Variants in RNF38 observed in about 807,000 individuals in gnomAD.
The protein encoded by RNF38 is E3 ubiquitin-protein ligase RNF38.
In RNF38, 15 loss-of-function variants were observed where a neutral mutation model predicts 67.2. The observed-to-expected ratio is 0.22, with a 90% CI of 0.15 to 0.34. The LOEUF is 0.34. Among genes scored for constraint, RNF38 ranks in the 10% least tolerant of loss-of-function variants. RNF38 has a pLI of 1.00. For missense variants in RNF38, 524 were observed against 639.9 expected, an observed-to-expected ratio of 0.82 and a Z score of 1.95; for synonymous variants, 220 against 218.8, an observed-to-expected ratio of 1.01 and a Z score of -0.05.
chr9:36,467,905 G>A (rs1362551460), intron 1 of RNF38, among the ~76,000 whole-genome samples: 1 of 152,190 alleles, frequency 6.6e-6, no homozygotes, highest in Non-Finnish European at 1.5e-5. Context: ...GGGGAATAGA[G>A]GCTACAGAAA....
chr9:36,462,775 A>C (rs966934591), intron 1 of RNF38, among the ~76,000 whole-genome samples: 8 of 151,818 alleles, frequency 5.3e-5, no homozygotes, highest in African/African-American at 1.7e-4. Context: ...CCCAGGTTTA[A>C]GTGATTGTCG....
chr9:36,420,105 C>G lies in RNF38; in HGVS notation n.312+4508G>C, dbSNP rs536659375. Among the ~76,000 whole-genome samples the G allele has an allele frequency of 2.0e-5, 3 of 152,316 alleles. No individual in the cohort carries two copies. In the East Asian group the frequency reaches 5.8e-4, roughly 29 times the overall value. ...CAGCAGAGTACAGACTTGAGCAAGGCAGCTTGGGATGGAATCCCAGTGTAC... is the reference window on the plus strand; with the variant it reads ...CAGCAGAGTACAGACTTGAGCAAGGGAGCTTGGGATGGAATCCCAGTGTAC... On this transcript the variant is annotated intron_variant and non_coding_transcript_variant, in intron 2 of 3. Transcript: ENST00000488058.
intron 4 of RNF38, among the ~76,000 whole-genome samples, chr9:36,364,929 C>T (rs1164679868): frequency 1.3e-5 from 2 of 152,174 alleles, no homozygotes; most frequent in African/African-American, 4.8e-5. Context: ...ACCAGGGTGT[C>T]AGTGGGCCAA....
chr9:36,343,390 A>C lies in RNF38; in HGVS notation c.1386-966T>G, dbSNP rs1046492589. ...TCTGGTGAGATCTATAATATGTATA[A>C]AACCTCTACAACTCAATAATACAAA... is the stretch of plus-strand genomic sequence containing the variant. On this transcript the variant is annotated intron_variant, in intron 10 of 11. Coordinates refer to ENST00000259605, the MANE Select transcript of RNF38 (RefSeq NM_022781.5). 2.6e-5 allele frequency among the ~76,000 whole-genome samples: 4 copies of C among 152,194 alleles called. No homozygotes were observed. In the East Asian group the frequency reaches 7.7e-4, roughly 29 times the overall value.
chr9:36,352,996 G>T, intron 7 of RNF38, 148 bp from the exon 8 acceptor site: 1 of 806,578 alleles, frequency 1.2e-6, no homozygotes, highest in Non-Finnish European at 2.0e-6. Context: ...CTTATTAATG[G>T]ATGCAGCAAC....
intron 11 of RNF38, among the ~76,000 whole-genome samples, chr9:36,341,799 T>G (rs1041580977): frequency 4.2e-5 from 2 of 47,872 alleles, no homozygotes; most frequent in Admixed American, 1.9e-4. Context: ...TCAAAATATA[T>G]ATATATATAT....
chr9:36,414,338 C>T (rs1179855707), intron 2 of RNF38, among the ~76,000 whole-genome samples: 1 of 151,956 alleles, frequency 6.6e-6, no homozygotes, highest in Non-Finnish European at 1.5e-5. Flanking sequence ...TTTTATAGGC[C>T]CCGTGAGATT....
intron 1 of RNF38, among the ~76,000 whole-genome samples, 169 bp downstream of exon 1, chr9:36,399,928 T>G (rs1359358554): frequency 6.6e-6 from 1 of 152,164 alleles, no homozygotes; most frequent in Non-Finnish European, 1.5e-5. Flanking sequence ...TTGTATACAT[T>G]TAAGTTTTCA....
At chr9:36,444,919 CTTTT>C (rs34369319) in intron 1 of RNF38, among the ~76,000 whole-genome samples, 1 of 133,444 alleles carries the variant, frequency 7.5e-6, no homozygotes. Context: ...GAGCCATTCT[CTTTT>C]TTTTTTTTTT....
At chr9:36,369,549 T>C (rs1234188415) in intron 4 of RNF38, among the ~76,000 whole-genome samples, 170 bp downstream of exon 4, 1 of 152,124 alleles carries the variant, frequency 6.6e-6, no homozygotes, top group Non-Finnish European at 1.5e-5. Context: ...CTTTCTTCTA[T>C]GGAAGCTGTG....
At chr9:36,357,201 A>T (rs901790214) in intron 5 of RNF38, among the ~76,000 whole-genome samples, 1 of 152,224 alleles carries the variant, frequency 6.6e-6, no homozygotes, top group Non-Finnish European at 1.5e-5. Flanking sequence ...GAGGCAAGAA[A>T]AAAAAAGTTA....
upstream of RNF38, among the ~76,000 whole-genome samples, chr9:36,402,925 T>TCACTG (rs1838090322): frequency 6.6e-6 from 1 of 152,140 alleles, no homozygotes. Context: ...GGATCACATC[T>TCACTG]CACTGCAGTC....
intron 1 of RNF38, among the ~76,000 whole-genome samples, chr9:36,464,694 A>G (rs1371135779): frequency 1.3e-5 from 2 of 152,230 alleles, no homozygotes; most frequent in African/African-American, 4.8e-5. Context: ...AAATTAATAT[A>G]CATACACTGT....
intron 2 of RNF38, among the ~76,000 whole-genome samples, 190 bp from the exon 3 acceptor site, chr9:36,376,317 A>G (rs1835782671): frequency 6.6e-6 from 1 of 152,224 alleles, no homozygotes; most frequent in Non-Finnish European, 1.5e-5. Flanking sequence ...GGGGAGGGAG[A>G]TGCACAGTAA....
chr9:36,393,056 A>C (rs796178625), intron 1 of RNF38, among the ~76,000 whole-genome samples: 3 of 152,306 alleles, frequency 2.0e-5, no homozygotes, highest in African/African-American at 7.2e-5. Context: ...GCATCCTCTT[A>C]AGCTTTTCAT....
At chr9:36,401,098 C>G, upstream of RNF38, 5 of 985,170 alleles carry the variant, frequency 5.1e-6, no homozygotes, top group Non-Finnish European at 6.0e-6. Flanking sequence ...CAGCACAAAC[C>G]TAGCGAGCCC....
intron 1 of RNF38, among the ~76,000 whole-genome samples, chr9:36,396,882 A>G (rs1723514454): frequency 6.6e-6 from 1 of 152,058 alleles, no homozygotes; most frequent in Admixed American, 6.5e-5. Context: ...GAGATCCAAG[A>G]CAAAATTTCT....
chr9:36,466,775 A>G (rs1193835608), intron 1 of RNF38, among the ~76,000 whole-genome samples: 1 of 152,138 alleles, frequency 6.6e-6, no homozygotes, highest in Non-Finnish European at 1.5e-5. Context: ...GGATTCAAAT[A>G]AAGGAACTTT....
intron 1 of RNF38, among the ~76,000 whole-genome samples, chr9:36,471,511 G>A (rs1459080564): frequency 6.6e-6 from 1 of 152,122 alleles, no homozygotes; most frequent in Non-Finnish European, 1.5e-5. Context: ...CTCCAACACA[G>A]TTCCAGAATA....
Sources: allele counts gnomAD v4.1 joint callset (sites outside exome capture counted in the v4.1 genomes callset), GRCh38; gene constraint gnomAD v4.1.1; transcripts MANE v1.5; gene names NCBI Gene and HGNC (gene_info 2026-07-23, HGNC 2026-07-21).